The following GNA12 variants were observed in gnomAD, a reference collection of about 807,000 sequenced individuals.
The protein encoded by GNA12 is guanine nucleotide-binding protein subunit alpha-12.
GNA12 carries 9 observed loss-of-function variants against 26.0 expected under a neutral mutation model. The ratio of observed to expected loss-of-function variants is 0.35; its 90% CI spans 0.21 to 0.60. The LOEUF (loss-of-function observed/expected upper bound fraction) is 0.60, where lower values mean the gene tolerates loss of function less well. Ranked by LOEUF, GNA12 falls within the 20% of genes least tolerant of loss-of-function variation. The pLI, the probability that GNA12 is intolerant of heterozygous loss-of-function variation, is 0.78. For synonymous variants in GNA12, 264 were observed against 219.6 expected, an observed-to-expected ratio of 1.20 and a Z score of -1.79; for missense variants, 405 against 525.8, an observed-to-expected ratio of 0.77 and a Z score of 2.25.
chr7:2,787,758 G>C (rs1188857858), intron 2 of GNA12, among the ~76,000 whole-genome samples: 1 of 152,254 alleles, frequency 6.6e-6, no homozygotes, highest in Non-Finnish European at 1.5e-5. Context: ...CCTACAGCAA[G>C]GCCCAGCACT....
chr7:2,800,559 T>C (rs1792784266), intron 1 of GNA12, among the ~76,000 whole-genome samples: 1 of 152,250 alleles, frequency 6.6e-6, no homozygotes, highest in Non-Finnish European at 1.5e-5. Context: ...CCTGTGAACC[T>C]ATACTTATTT....
At chr7:2,745,140 C>T (rs1259422807) in intron 2 of GNA12, among the ~76,000 whole-genome samples, 1 of 152,160 alleles carries the variant, frequency 6.6e-6, no homozygotes, top group East Asian at 1.9e-4. Context: ...CAAGGCAGGC[C>T]AACATTCAAA....
chr7:2,827,400 G>A (rs1233262073), intron 1 of GNA12, among the ~76,000 whole-genome samples: 1 of 152,196 alleles, frequency 6.6e-6, no homozygotes, highest in African/African-American at 2.4e-5. Flanking sequence ...ATTTTACCTC[G>A]ATTATTTTAA....
intron 2 of GNA12, chr7:2,775,590 T>C (rs373023093): frequency 3.9e-5 from 6 of 152,138 alleles, no homozygotes; most frequent in Non-Finnish European, 8.8e-5. Context: ...AGCTGCCTGG[T>C]CTATGGGCAT....
At chr7:2,783,857 G>A (rs754681790) in intron 2 of GNA12, among the ~76,000 whole-genome samples, 2 of 151,552 alleles carry the variant, frequency 1.3e-5, no homozygotes, top group African/African-American at 4.8e-5. Flanking sequence ...GCTTATTTTT[G>A]TATTTTTAGT....
At chr7:2,807,932 T>G (rs1312571717) in intron 1 of GNA12, among the ~76,000 whole-genome samples, 5 of 152,140 alleles carry the variant, frequency 3.3e-5, no homozygotes, top group Non-Finnish European at 7.3e-5. Context: ...CAGAAACCGC[T>G]CTGTGCCCCG....
At chr7:2,757,327 G>A (rs1044084717) in intron 2 of GNA12, among the ~76,000 whole-genome samples, 3 of 151,998 alleles carry the variant, frequency 2.0e-5, no homozygotes, top group African/African-American at 4.8e-5. Context: ...GTAGAGACAG[G>A]GTTTCGCCAT....
intron 2 of GNA12, among the ~76,000 whole-genome samples, chr7:2,782,492 C>A (rs1422750179): frequency 1.3e-5 from 2 of 152,276 alleles, no homozygotes; most frequent in African/African-American, 4.8e-5. Flanking sequence ...GACACCACCT[C>A]GAGATATCAT....
intron 2 of GNA12, among the ~76,000 whole-genome samples, chr7:2,734,304 G>A (rs920754898): frequency 2.0e-5 from 3 of 152,182 alleles, no homozygotes; most frequent in Non-Finnish European, 4.4e-5. Context: ...CCCTTCAAAG[G>A]TAGCGTATTA....
intron 2 of GNA12, chr7:2,765,092 C>G (rs1453046699): frequency 6.6e-6 from 1 of 152,004 alleles, no homozygotes; most frequent in Admixed American, 6.6e-5. Flanking sequence ...AATTTTAATC[C>G]TTGACATTCA....
chr7:2,740,811 G>A (rs959766298), intron 2 of GNA12, among the ~76,000 whole-genome samples: 12 of 152,174 alleles, frequency 7.9e-5, no homozygotes, highest in African/African-American at 2.4e-4. Context: ...TTGGGAGGCC[G>A]AGGCGGACGG....
chr7:2,783,829 C>T (rs977824539), intron 2 of GNA12, among the ~76,000 whole-genome samples: 4 of 152,002 alleles, frequency 2.6e-5, no homozygotes, highest in African/African-American at 9.6e-5. Context: ...GGATTACAGG[C>T]ACCCACCACC....
intron 2 of GNA12, among the ~76,000 whole-genome samples, chr7:2,756,240 T>C (rs1359174761): frequency 3.3e-5 from 5 of 152,054 alleles, no homozygotes; most frequent in Admixed American, 3.3e-4. Flanking sequence ...AAACTGGTGA[T>C]CTGCACATAA....
intron 1 of GNA12, among the ~76,000 whole-genome samples, chr7:2,825,389 A>C (rs1793460845): frequency 6.6e-6 from 1 of 152,172 alleles, no homozygotes; most frequent in Admixed American, 6.5e-5. Context: ...AGCAGGAGAG[A>C]GGGCGGGAAG....
intron 1 of GNA12, among the ~76,000 whole-genome samples, chr7:2,838,166 G>C (rs1378796612): frequency 6.6e-6 from 1 of 151,466 alleles, no homozygotes. Context: ...ATCAGCCAGG[G>C]AGGACAGTTC....
Position 2,748,576 on chromosome 7 carries a change from A to T in GNA12, c.526-15075T>A, listed in dbSNP as rs1271829129. 1.3e-3 allele frequency among the ~76,000 whole-genome samples: 196 copies of T among 152,164 alleles called. 2 individuals are homozygous for T. The highest frequency in any genetic ancestry group is 4.4e-3 in the African/African-American group (181 of 41,526). On this transcript the variant is annotated intron_variant, in intron 2 of 3. Transcript: ENST00000275364. Reference sequence around the variant, plus strand: ...AAAACCCTAGAAGAAAACCTAGGCAATACCATTCAGGACATAGGCATGGGC... The same window carrying T: ...AAAACCCTAGAAGAAAACCTAGGCATTACCATTCAGGACATAGGCATGGGC...
At chr7:2,794,221 A>G (rs1459251641) in intron 2 of GNA12, among the ~76,000 whole-genome samples, 1 of 152,208 alleles carries the variant, frequency 6.6e-6, no homozygotes, top group Admixed American at 6.5e-5. Flanking sequence ...CATGACTTCA[A>G]CTTGACTCTG....
chr7:2,760,763 G>A lies in GNA12; in HGVS notation c.526-27262C>T, dbSNP rs924761911. Among the ~76,000 whole-genome samples the A allele has an allele frequency of 3.3e-5, 5 of 152,322 alleles. No individual in the cohort carries two copies. The South Asian group carries it at 6.2e-4, about 19-fold the overall frequency. ...GACCATTTCTAATCTTTCCTCTAGGGACAGCGTCGAGCTCCCTACTGCTGG... is the reference window on the plus strand; with the variant it reads ...GACCATTTCTAATCTTTCCTCTAGGAACAGCGTCGAGCTCCCTACTGCTGG... On this transcript the variant is annotated intron_variant, in intron 2 of 3. Coordinates refer to ENST00000275364, the MANE Select transcript of GNA12 (RefSeq NM_007353.3).
intron 2 of GNA12, among the ~76,000 whole-genome samples, chr7:2,782,788 T>TAC (rs886590846): frequency 1.6e-4 from 24 of 152,292 alleles, no homozygotes; most frequent in African/African-American, 5.8e-4. Context: ...AAACGTGCAT[T>TAC]ACACCTTCTG....
Sources: gnomAD v4.1 joint callset for allele counts (sites outside exome capture counted in the v4.1 genomes callset) on GRCh38, gnomAD v4.1.1 for gene constraint, MANE v1.5 for transcripts, NCBI Gene and HGNC (gene_info 2026-07-23, HGNC 2026-07-21) for gene names.